The following ATP8B3 variants were observed in gnomAD, a reference collection of about 807,000 sequenced individuals.
ATP8B3 encodes phospholipid-transporting ATPase IK.
A neutral mutation model predicts 140.9 loss-of-function variants in ATP8B3; 141 were observed. That is an observed-to-expected ratio of 1.00 (90% CI 0.87 to 1.15). ATP8B3 has a LOEUF of 1.15. Ranked by LOEUF, ATP8B3 falls within the 50% of genes most tolerant of loss-of-function variation. The probability of loss-of-function intolerance (pLI) is 0.00; values close to 1 mark genes in which losing one functional copy is unlikely to be tolerated. For synonymous variants in ATP8B3, 765 were observed against 714.6 expected (o/e 1.07, Z -1.13); for missense variants, 1,874 against 1,740.6 (o/e 1.08, Z -1.36).
rs1215571275 is a variant in ATP8B3 at position 1,809,646 on chromosome 19, G to A, written c.399C>T (p.Tyr133=). The part of the protein sequence containing the change: ...KVILCWQRKK[Y]KTNVIRTAKY... ...AGGCGCGGGAGGGGCCGCCCACCTT[G>A]TATTTCTTCCTTTGCCAGCACAGGA... Residue 133 remains tyrosine, a synonymous_variant, in exon 4 of 29, where the codon TAC becomes TAT. Transcript: ENST00000310127. The A allele has an allele frequency of 7.5e-6, 12 of 1,607,074 alleles. No homozygotes were observed. Among genetic ancestry groups the A allele is most frequent in the Non-Finnish European group, 1.0e-5 (12 of 1,177,082 alleles).
Position 1,785,313 on chromosome 19 carries a change from T to C in ATP8B3, c.3394-16A>G. On this transcript the variant is annotated splice_polypyrimidine_tract_variant and intron_variant, in intron 26 of 28. Transcript: ENST00000310127. Reference sequence around the variant, plus strand: ...TAAGAATGACCTGGACAGGCAGCGGTGGGGTAAATCCGGGGCCTAGCGGGG... The same window carrying C: ...TAAGAATGACCTGGACAGGCAGCGGCGGGGTAAATCCGGGGCCTAGCGGGG... 6.3e-7 allele frequency: 1 copy of C among 1,579,704 alleles called. No homozygotes were observed. The highest frequency in any genetic ancestry group is 8.6e-7 in the Non-Finnish European group (1 of 1,161,786).
chr19:1,790,654 C>G, intron 21 of ATP8B3, 103 bp downstream of exon 21: 1 of 879,716 alleles, frequency 1.1e-6, no homozygotes, highest in Non-Finnish European at 1.6e-6. Context: ...CCCCCCCTTC[C>G]CACTGTGCCT....
Position 1,811,741 on chromosome 19 carries a change from C to T in ATP8B3, c.-5G>A, listed in dbSNP as rs1448692569. On this transcript the variant is annotated 5_prime_UTR_variant, in exon 2 of 29. Coordinates refer to ENST00000310127, the MANE Select transcript of ATP8B3 (RefSeq NM_138813.4). ...CTGAGCGGGGCCAGTGCCCATTCAC[C>T]GCATGAGGAAAAGGGAGGTTCAGGG... 2 of 1,581,582 alleles carry T rather than the reference C, an allele frequency of 1.3e-6. No homozygotes were observed. The highest frequency in any genetic ancestry group is 2.2e-5 in the East Asian group (1 of 44,612).
In ATP8B3 at chr19:1,805,393, CT is replaced by C; in HGVS notation, c.884del (p.Lys295ArgfsTer10). The C allele has an allele frequency of 6.4e-7, 1 of 1,568,088 alleles. No homozygotes were observed. Among genetic ancestry groups the C allele is most frequent in the East Asian group, 2.3e-5 (1 of 42,982 alleles). ...TCTCACCTTGAAAGGACGCCATCTT[CT>C]TTATAGTGGCCAGTTCTTTGTGGGT... ...MVTHKELATI[K>X]KMASFQGTVT... On this transcript the variant is annotated frameshift_variant, in exon 10 of 29. Transcript: ENST00000310127. LOFTEE classifies it high-confidence loss of function. The surrounding 1 kb of genome is among the most constrained non-coding windows in gnomAD (Gnocchi z 5.2).
At chr19:1,784,127 A>G (rs759567295) in intron 28 of ATP8B3, among the ~76,000 whole-genome samples, 14 of 152,016 alleles carry the variant, frequency 9.2e-5, no homozygotes, top group Non-Finnish European at 1.6e-4. Flanking sequence ...CTGTCAACAG[A>G]CTCTTATTTC....
chr19:1,789,574 C>T lies in ATP8B3; in HGVS notation c.2632G>A (p.Ala878Thr). 1 of 1,593,390 alleles carries T rather than the reference C, an allele frequency of 6.3e-7. No individual in the cohort carries two copies. The highest frequency in any genetic ancestry group is 1.1e-5 in the South Asian group (1 of 89,582). ...LLCRRFGLPL[A>T]APPAQDSRAR... is the part of the protein sequence containing the mutation. ...CTGGAGTCCTGGGCTGGCGGTGCAG[C>T]CAGCGGGAGCCCGAACCTCCGGCAC... Residue 878 changes from alanine to threonine, a missense_variant, in exon 23 of 29, where the codon GCT becomes ACT. This residue lies in a region of ATP8B3 where 840 missense variants were observed against 760.9 expected (regional missense o/e 1.10). Coordinates refer to ENST00000310127, the MANE Select transcript of ATP8B3 (RefSeq NM_138813.4).
Position 1,807,929 on chromosome 19 carries a change from G to A in ATP8B3, c.516+293C>T, listed in dbSNP as rs146546906. Among the ~76,000 whole-genome samples, 716 of 152,278 alleles carry A rather than the reference G, an allele frequency of 4.7e-3. 4 individuals carry two copies. Among genetic ancestry groups the A allele is most frequent in the Admixed American group, 7.1e-3 (108 of 15,306 alleles). ...CCAGGGGAGCTGCGTGGCCGAGGCC[G>A]TTTAGGCTGGGGAACAGCTATGCCT... On this transcript the variant is annotated intron_variant, in intron 5 of 28. Coordinates refer to ENST00000310127, the MANE Select transcript of ATP8B3 (RefSeq NM_138813.4). This position sits in a 1 kb window ranked among gnomAD's most constrained non-coding sequence, Gnocchi z 5.9.
At chr19:1,803,258 T>C (rs2068908831) in intron 10 of ATP8B3, among the ~76,000 whole-genome samples, 1 of 152,098 alleles carries the variant, frequency 6.6e-6, no homozygotes, top group Non-Finnish European at 1.5e-5. Context: ...CAATGGGGCA[T>C]GGGTTGGGAC....
At position 1,785,482 on chromosome 19, in the gene ATP8B3, G is replaced by A. The variant is rs1204256073; in HGVS notation, c.3380C>T (p.Ser1127Phe). 1 of 1,612,738 alleles carries A rather than the reference G, an allele frequency of 6.2e-7. No homozygotes were observed. Among genetic ancestry groups the A allele is most frequent in the Non-Finnish European group, 8.5e-7 (1 of 1,179,864 alleles). ...AVVVALSCLL[S>F]ITMEVILIIK... Reference sequence around the variant, plus strand: ...GACCTTGCCCACCTCCATGGTGATGGACAGCAGGCAAGACAGGGCCACCAC... The same window carrying A: ...GACCTTGCCCACCTCCATGGTGATGAACAGCAGGCAAGACAGGGCCACCAC... The change falls in exon 26 of 29, where the codon TCC becomes TTC. Residue 1127 changes from serine (S) to phenylalanine (F), a missense_variant. Ser to Phe is a radical substitution (Grantham distance 155). Around this residue, in one of 3 missense-constraint regions of ATP8B3, gnomAD observed 840 missense variants for 760.9 expected, o/e 1.10. Transcript: ENST00000310127.
At chr19:1,796,906 C>T in intron 15 of ATP8B3, 27 bp from the exon 16 acceptor site, 1 of 1,610,812 alleles carries the variant, frequency 6.2e-7, no homozygotes, top group Non-Finnish European at 8.5e-7. Context: ...CACGGGCCGG[C>T]TGTGGGTGGG....
chr19:1,793,941 C>G (rs1014745769), intron 18 of ATP8B3, among the ~76,000 whole-genome samples: 4 of 152,162 alleles, frequency 2.6e-5, no homozygotes, highest in African/African-American at 9.6e-5. Flanking sequence ...AGGGTTTCAC[C>G]AGGTTGGTCA....
intron 18 of ATP8B3, among the ~76,000 whole-genome samples, chr19:1,793,399 C>A (rs1293968791): frequency 6.6e-6 from 1 of 152,224 alleles, no homozygotes; most frequent in African/African-American, 2.4e-5. Context: ...CCACACCTGG[C>A]CTGCATGGCG....
intron 24 of ATP8B3, among the ~76,000 whole-genome samples, chr19:1,788,329 T>C (rs569316228): frequency 6.6e-6 from 1 of 152,176 alleles, no homozygotes; most frequent in South Asian, 2.1e-4. Context: ...GAAGAGGAGG[T>C]CCATGTGCAG....
chr19:1,792,806 T>G (rs1471206231), intron 18 of ATP8B3, among the ~76,000 whole-genome samples: 2 of 150,838 alleles, frequency 1.3e-5, no homozygotes, highest in Admixed American at 1.3e-4. Context: ...TCCCAGCTAC[T>G]CAGGAGGCTG....
rs1455294249 is a variant in ATP8B3, at chr19:1,810,630, C to T, written c.302G>A (p.Arg101Lys). The T allele has an allele frequency of 1.2e-6, 2 of 1,613,126 alleles. No individual in the cohort carries two copies. Among genetic ancestry groups the T allele is most frequent in the South Asian group, 2.2e-5 (2 of 90,964 alleles). Residue 101 changes from arginine (R) to lysine (K), a missense_variant, in exon 3 of 29, where the codon AGG (arginine) becomes AAG (lysine). Coordinates refer to ENST00000310127, the MANE Select transcript of ATP8B3 (RefSeq NM_138813.4). ...CTGCCCAGGATCAGCACCTGAGTTC[C>T]TGTCCTCATCTTGGAGATCTTCTCT... ...GQREDLQDED[R>K]NSAFTWKVQA... is the part of the protein sequence containing the mutation.
intron 25 of ATP8B3, 38 bp from the exon 26 acceptor site, chr19:1,785,746 G>GC: frequency 9.9e-7 from 1 of 1,014,144 alleles, no homozygotes; most frequent in East Asian, 3.8e-5. Flanking sequence ...TGGGTGGGGG[G>GC]CGGGGGACAC....
chr19:1,785,116 C>A (rs1320395037), intron 27 of ATP8B3, 43 bp downstream of exon 27: 1 of 1,508,464 alleles, frequency 6.6e-7, no homozygotes, highest in Non-Finnish European at 8.9e-7. Flanking sequence ...TCGGGGCTCC[C>A]CTGCACCACG....
At chr19:1,787,559 T>TAA (rs1225377893) in intron 24 of ATP8B3, among the ~76,000 whole-genome samples, 22 of 151,688 alleles carry the variant, frequency 1.5e-4, no homozygotes, top group Non-Finnish European at 2.4e-4. Flanking sequence ...TGAAACCCCG[T>TAA]CTCTACTAAA....
At position 1,800,931 on chromosome 19, in the gene ATP8B3, C is replaced by G. The variant is rs1236624792; in HGVS notation, c.1153-482G>C. Among the ~76,000 whole-genome samples, 1 of 151,126 alleles carries G rather than the reference C, an allele frequency of 6.6e-6. No homozygotes were observed. Among genetic ancestry groups the G allele is most frequent in the Non-Finnish European group, 1.5e-5 (1 of 67,840 alleles). On this transcript the variant is annotated intron_variant, in intron 12 of 28. Coordinates refer to ENST00000310127, the MANE Select transcript of ATP8B3 (RefSeq NM_138813.4). The surrounding 1 kb of genome is among the most constrained non-coding windows in gnomAD (Gnocchi z 4.4). ...GCAAGCTCCGCCTCCCGGGTTCACA[C>G]CATTCTCCTGCCTCAGCCTCCCGAG... is the stretch of plus-strand genomic sequence containing the variant.
Sources: allele counts gnomAD v4.1 joint callset (sites outside exome capture counted in the v4.1 genomes callset), GRCh38; gene constraint gnomAD v4.1.1; regional missense constraint gnomAD v4.1.1; non-coding constraint Gnocchi (gnomAD v3.1); transcripts MANE v1.5; gene names NCBI Gene and HGNC (gene_info 2026-07-23, HGNC 2026-07-21).